The following H2BC12 variants were observed in gnomAD, a reference collection of about 807,000 sequenced individuals.
H2BC12 encodes the protein H2B clustered histone 12, also known as histone H2B type 1-K.
H2BC12 carries 6 observed loss-of-function variants against 6.3 expected under a neutral mutation model. The ratio of observed to expected loss-of-function variants is 0.95; its 90% CI spans 0.52 to 1.87. H2BC12 has a LOEUF of 1.87. Ranked by LOEUF, H2BC12 falls within the 40% of genes most tolerant of loss-of-function variation. The pLI is 0.01. For missense variants in H2BC12, 119 were observed against 178.4 expected (o/e 0.67, Z 1.90); for synonymous variants, 132 against 78.5 (o/e 1.68, Z -3.60).
At chr6:27,141,962 G>A (rs1200529447), downstream of H2BC12, among the ~76,000 whole-genome samples, 2 of 152,164 alleles carry the variant, frequency 1.3e-5, no homozygotes, top group African/African-American at 2.4e-5. Flanking sequence ...GTGACTGAGG[G>A]AGTAAGTGTT....
At chr6:27,146,206 T>A (rs1362073709), downstream of H2BC12, among the ~76,000 whole-genome samples, 1 of 152,218 alleles carries the variant, frequency 6.6e-6, no homozygotes, top group African/African-American at 2.4e-5. Context: ...CACTCAGTAC[T>A]AACAAAGTGT....
downstream of H2BC12, among the ~76,000 whole-genome samples, chr6:27,142,052 T>C (rs1244648821): frequency 9.9e-5 from 15 of 152,194 alleles, no homozygotes; most frequent in East Asian, 2.3e-3. Flanking sequence ...TTGGAACACC[T>C]TAGGGACATG....
At chr6:27,142,994 C>A (rs1760026027), downstream of H2BC12, among the ~76,000 whole-genome samples, 1 of 151,792 alleles carries the variant, frequency 6.6e-6, no homozygotes, top group African/African-American at 2.4e-5. Flanking sequence ...CAGACACATA[C>A]AATAAAGACA....
At chr6:27,140,089 G>A in the H2BC12 span, among the ~76,000 whole-genome samples, 66 of 152,240 alleles carry the variant, frequency 4.3e-4, no homozygotes, top group Non-Finnish European at 6.0e-4. Flanking sequence ...TGCATGGGGG[G>A]GAGGGGGACA....
downstream of H2BC12, among the ~76,000 whole-genome samples, chr6:27,143,208 C>CA (rs563380944): frequency 2.0e-3 from 301 of 152,020 alleles, 2 homozygotes; most frequent in South Asian, 0.016. Context: ...AAAAACTAGC[C>CA]AGGCATGGTG....
At chr6:27,145,931 G>A (rs1400470988), downstream of H2BC12, among the ~76,000 whole-genome samples, 3 of 152,202 alleles carry the variant, frequency 2.0e-5, no homozygotes, top group African/African-American at 7.2e-5. Context: ...CAGCCTAGAA[G>A]AGGTTAAATA....
At position 27,146,834 on chromosome 6, in the gene H2BC12, G is replaced by C. The variant is rs900849435; in HGVS notation, c.-36C>G. 2 of 1,604,506 alleles carry C rather than the reference G, an allele frequency of 1.2e-6. No homozygotes were observed. The highest frequency in any genetic ancestry group is 1.7e-6 in the Non-Finnish European group (2 of 1,175,664). On this transcript the variant is annotated 5_prime_UTR_variant, in exon 1 of 1. It adds an upstream start codon to the 5' untranslated region. Transcript: ENST00000356950. The stretch of plus-strand genomic sequence containing the variant: ...AACTACGAGCCTGAGACGAGCAGCA[G>C]ATCGAGAAAACGGGAAGTAATGGGA...
At chr6:27,139,917 G>A in the H2BC12 span, 35 of 400,262 alleles carry the variant, frequency 8.7e-5, no homozygotes, top group Non-Finnish European at 1.4e-4. Flanking sequence ...GAAAGCCAAG[G>A]GGTCTGCGGT....
At chr6:27,139,813 A>T in the H2BC12 span, 4 of 939,654 alleles carry the variant, frequency 4.3e-6, no homozygotes, top group Non-Finnish European at 6.0e-6. Context: ...TTGGGCCGAG[A>T]TTTTTCCAAG....
the H2BC12 span, chr6:27,139,826 C>T: frequency 3.7e-6 from 3 of 802,222 alleles, no homozygotes; most frequent in East Asian, 3.0e-5. Context: ...TTTCCAAGGC[C>T]AGAAGAGCCT....
downstream of H2BC12, among the ~76,000 whole-genome samples, chr6:27,145,819 C>G (rs1210319686): frequency 6.6e-6 from 1 of 152,174 alleles, no homozygotes; most frequent in African/African-American, 2.4e-5. Context: ...CTTACCCTTG[C>G]AGACTATCCT....
chr6:27,142,200 C>T (rs1337597043), downstream of H2BC12, among the ~76,000 whole-genome samples: 1 of 152,174 alleles, frequency 6.6e-6, no homozygotes, highest in African/African-American at 2.4e-5. Context: ...TTAATACATT[C>T]TGTATTGACT....
downstream of H2BC12, among the ~76,000 whole-genome samples, chr6:27,144,040 GAAAC>G (rs1240935364): frequency 5.9e-5 from 9 of 152,246 alleles, no homozygotes; most frequent in Non-Finnish European, 8.8e-5. Flanking sequence ...TGGTATAATG[GAAAC>G]AAACAAGAGC....
the H2BC12 span, chr6:27,139,465 G>C: frequency 6.2e-7 from 1 of 1,614,214 alleles, no homozygotes; most frequent in Non-Finnish European, 8.5e-7. Context: ...CCTCATCTAT[G>C]AGGAGACCCG....
downstream of H2BC12, chr6:27,146,323 A>G (rs1760079620): frequency 2.5e-6 from 4 of 1,574,296 alleles, no homozygotes; most frequent in African/African-American, 1.4e-5. Context: ...TTAAGCCTGG[A>G]TTAGGAACAC....
chr6:27,144,619 A>G (rs1009359844), downstream of H2BC12, among the ~76,000 whole-genome samples: 1 of 152,076 alleles, frequency 6.6e-6, no homozygotes, highest in South Asian at 2.1e-4. Context: ...ATTTTGTAAA[A>G]AGAGCAAAAA....
the H2BC12 span, chr6:27,139,365 C>T: frequency 3.1e-6 from 5 of 1,614,128 alleles, no homozygotes; most frequent in East Asian, 6.7e-5. Flanking sequence ...CCAAGCGCCA[C>T]CGCAAGGTGC....
At chr6:27,139,428 C>T in the H2BC12 span, 2 of 1,614,234 alleles carry the variant, frequency 1.2e-6, no homozygotes, top group Non-Finnish European at 1.7e-6. Flanking sequence ...GCCTTGCTCG[C>T]CGCGGCGGCG....
At chr6:27,141,434 C>CAA (rs2113646561), downstream of H2BC12, among the ~76,000 whole-genome samples, 1 of 152,080 alleles carries the variant, frequency 6.6e-6, no homozygotes, top group East Asian at 1.9e-4. Flanking sequence ...TTTTATGACC[C>CAA]AAACTTGTCT....
Sources: allele counts gnomAD v4.1 joint callset (sites outside exome capture counted in the v4.1 genomes callset), GRCh38; gene constraint gnomAD v4.1.1; transcripts MANE v1.5; gene names NCBI Gene and HGNC (gene_info 2026-07-23, HGNC 2026-07-21).